TMEM128: variants seen among roughly 807,000 people sequenced by gnomAD.
TMEM128 encodes the protein transmembrane protein 128.
TMEM128 carries 16 observed loss-of-function variants against 19.7 expected under a neutral mutation model. The observed-to-expected ratio is 0.81, with a 90% CI of 0.55 to 1.23. The LOEUF is 1.23. Ranked by LOEUF, TMEM128 falls within the 50% of genes most tolerant of loss-of-function variation. The pLI, the probability that TMEM128 is intolerant of heterozygous loss-of-function variation, is 0.00. For missense variants in TMEM128, 237 were observed against 200.8 expected, an observed-to-expected ratio of 1.18 and a Z score of -1.09; for synonymous variants, 98 against 75.8, an observed-to-expected ratio of 1.29 and a Z score of -1.52.
chr4:4,248,183 C>T lies in TMEM128; in HGVS notation c.20G>A (p.Arg7Gln), dbSNP rs1337037808. The T allele has an allele frequency of 1.3e-6, 2 of 1,527,026 alleles. No individual in the cohort carries two copies. Among genetic ancestry groups the T allele is most frequent in the African/African-American group, 1.4e-5 (1 of 71,366 alleles). 94.6% of individuals were successfully genotyped at this position (1,527,026 alleles called of 1,614,324 possible). A position where few individuals can be genotyped will look rare whatever the true frequency, so the allele number is the denominator to read the frequency against. ...GAGGAATCGCCGCCGGAGCTGCTGC[C>T]GGGCCCGCGAGGAGTCCATCTTGGT... MDSSRARQQLRRRFLLL... is the reference protein window; with the variant it reads MDSSRAQQQLRRRFLLL... The change falls in exon 1 of 5, where the codon CGG becomes CAG. Residue 7 changes from arginine to glutamine, a missense_variant. By Grantham distance (43) the Arg-to-Gln change is conservative. Transcript: ENST00000382753.
Position 4,248,134 on chromosome 4 carries a change from C to T in TMEM128, c.69G>A (p.Gln23=), listed in dbSNP as rs1442610829. The T allele has an allele frequency of 5.9e-6, 9 of 1,534,910 alleles. No homozygotes were observed. The Admixed American group carries it at 1.2e-4, about 20-fold the overall frequency. ...GCCCGGCGTCACCCTCGCGGTCCAG[C>T]TGGGCCTCGGCGTCCGGCAGGAGGA... ...RFLLLPDAEA[Q]LDREGDAGPE... is the part of the protein sequence containing the mutation. The change falls in exon 1 of 5, where the codon CAG becomes CAA. Residue 23 remains glutamine (Q), a synonymous_variant. Transcript: ENST00000382753.
chr4:4,248,072 T>C lies in TMEM128; in HGVS notation c.97+34A>G, dbSNP rs554219693. Reference sequence around the variant, plus strand: ...CGGCCGTTTTCCGACGCCTCGCCTCTGAGAACCTCGGGGCGGCTTGGTGCG... The same window carrying C: ...CGGCCGTTTTCCGACGCCTCGCCTCCGAGAACCTCGGGGCGGCTTGGTGCG... On this transcript the variant is annotated intron_variant, in intron 1 of 4. Transcript: ENST00000382753. The C allele has an allele frequency of 3.5e-4, 531 of 1,534,710 alleles. 5 individuals are homozygous for C. In the African/African-American group the frequency reaches 5.9e-3, roughly 17 times the overall value.
chr4:4,242,153 C>T (rs1717983851), intron 2 of TMEM128, among the ~76,000 whole-genome samples: 1 of 152,136 alleles, frequency 6.6e-6, no homozygotes, highest in Non-Finnish European at 1.5e-5. Context: ...AGTGATCCAC[C>T]TGTCTCAGCC....
chr4:4,242,582 G>C (rs1339286209), intron 2 of TMEM128, among the ~76,000 whole-genome samples: 1 of 151,450 alleles, frequency 6.6e-6, no homozygotes. Context: ...GCAATGGCAC[G>C]ATCTCGGCTC....
intron 2 of TMEM128, among the ~76,000 whole-genome samples, chr4:4,245,124 C>T (rs1023551696): frequency 5.3e-5 from 8 of 152,144 alleles, no homozygotes; most frequent in East Asian, 1.9e-4. Context: ...CAAATTATTA[C>T]TCTTGACCCT....
intron 2 of TMEM128, among the ~76,000 whole-genome samples, chr4:4,244,990 C>T (rs1316575655): frequency 2.6e-5 from 4 of 152,096 alleles, no homozygotes; most frequent in South Asian, 2.1e-4. Flanking sequence ...CCTTGTGGCT[C>T]GACAGTCTCC....
intron 2 of TMEM128, among the ~76,000 whole-genome samples, chr4:4,242,005 A>T (rs1322680453): frequency 6.6e-6 from 1 of 152,048 alleles, no homozygotes; most frequent in East Asian, 1.9e-4. Context: ...CAGGTTCACC[A>T]ATTCTCCTGC....
intron 2 of TMEM128, among the ~76,000 whole-genome samples, chr4:4,242,385 T>C (rs1398946689): frequency 6.6e-6 from 1 of 151,936 alleles, no homozygotes; most frequent in East Asian, 2.0e-4. Flanking sequence ...AGTATATAAA[T>C]GATATAGTTT....
chr4:4,240,521 G>C (rs370168661), intron 2 of TMEM128, 42 bp from the exon 3 acceptor site: 44 of 1,586,530 alleles, frequency 2.8e-5, no homozygotes, highest in Non-Finnish European at 3.6e-5. Context: ...AGCACTTAAT[G>C]AATCGTCACA....
rs139174323 is a variant in TMEM128, at chr4:4,240,269, C to A, written c.398+52G>T. 493 of 1,457,482 alleles carry A rather than the reference C, an allele frequency of 3.4e-4. No individual in the cohort carries two copies. In the African/African-American group the frequency reaches 6.4e-3, roughly 19 times the overall value. 90.3% of individuals were successfully genotyped at this position (1,457,482 alleles called of 1,614,324 possible). On this transcript the variant is annotated intron_variant, in intron 3 of 4. Coordinates refer to ENST00000382753, the MANE Select transcript of TMEM128 (RefSeq NM_001297551.2). ...TGGACCAAGCATATCACTATCTGAT[C>A]AAAAAAAAAATTTGTTGTTCATTCC... is the stretch of plus-strand genomic sequence containing the variant.
intron 2 of TMEM128, among the ~76,000 whole-genome samples, chr4:4,242,563 G>A (rs933262730): frequency 6.6e-6 from 1 of 151,636 alleles, no homozygotes; most frequent in Non-Finnish European, 1.5e-5. Flanking sequence ...TTGTTGCCCA[G>A]GCTGGAGTGC....
At chr4:4,238,905 T>C (rs1442564257) in intron 3 of TMEM128, among the ~76,000 whole-genome samples, 1 of 152,068 alleles carries the variant, frequency 6.6e-6, no homozygotes, top group Non-Finnish European at 1.5e-5. Context: ...TGGTGACACA[T>C]GCCTGTGGTC....
rs1209415024 is a variant in TMEM128 at position 4,237,940 on chromosome 4, A to G, written c.399-5T>C. ...TGCCATAAAGCAATGTTGAAGCTGA[A>G]AAGAACAAGACATAAACAGTTGACA... On this transcript the variant is annotated splice_polypyrimidine_tract_variant and splice_region_variant and intron_variant, in intron 3 of 4. Coordinates refer to ENST00000382753, the MANE Select transcript of TMEM128 (RefSeq NM_001297551.2). The G allele has an allele frequency of 6.5e-7, 1 of 1,544,054 alleles. No individual in the cohort carries two copies. Among genetic ancestry groups the G allele is most frequent in the African/African-American group, 1.4e-5 (1 of 72,066 alleles).
rs913108983 is a variant in TMEM128, at chr4:4,235,584, G to A, written c.*682C>T. The A allele has an allele frequency of 6.6e-6, 1 of 152,596 alleles. No individual in the cohort carries two copies. The highest frequency in any genetic ancestry group is 1.5e-5 in the Non-Finnish European group (1 of 68,040). 9.5% of individuals were successfully genotyped at this position (152,596 alleles called of 1,614,324 possible). A position where few individuals can be genotyped will look rare whatever the true frequency, so the allele number is the denominator to read the frequency against. The stretch of plus-strand genomic sequence containing the variant: ...TTATTTAAATGATACAGAAAAAAAT[G>A]TATACTTAAAAGTGATTAAAACTTC... On this transcript the variant is annotated 3_prime_UTR_variant, in exon 5 of 5. Coordinates refer to ENST00000382753, the MANE Select transcript of TMEM128 (RefSeq NM_001297551.2).
Position 4,248,115 on chromosome 4 carries a change from C to T in TMEM128, c.88G>A (p.Ala30Thr), listed in dbSNP as rs1248534306. ...AEAQLDREGD[A>T]GPETSTAVEK... is the part of the protein sequence containing the mutation. ...TTGGTGCGCGCCTCACCCGGCCCGG[C>T]GTCACCCTCGCGGTCCAGCTGGGCC... Residue 30 changes from alanine to threonine, a missense_variant, in exon 1 of 5, where the codon GCC (alanine) becomes ACC (threonine). By Grantham distance (58) the Ala-to-Thr change is moderately conservative. Coordinates refer to ENST00000382753, the MANE Select transcript of TMEM128 (RefSeq NM_001297551.2). 2 of 1,536,058 alleles carry T rather than the reference C, an allele frequency of 1.3e-6. No homozygotes were observed. The highest frequency in any genetic ancestry group is 8.7e-7 in the Non-Finnish European group (1 of 1,144,218).
At position 4,248,196 on chromosome 4, in the gene TMEM128, A is replaced by G. The variant is rs924500734; in HGVS notation, c.7T>C (p.Ser3Pro). The G allele has an allele frequency of 2.6e-6, 4 of 1,523,756 alleles. No individual in the cohort carries two copies. Among genetic ancestry groups the G allele is most frequent in the African/African-American group, 2.8e-5 (2 of 71,384 alleles). 94.4% of individuals were successfully genotyped at this position (1,523,756 alleles called of 1,614,324 possible). A position where few individuals can be genotyped will look rare whatever the true frequency, so the allele number is the denominator to read the frequency against. ...CGGAGCTGCTGCCGGGCCCGCGAGG[A>G]GTCCATCTTGGTACCGCCCCGAAAT... MDSSRARQQLRRR... is the reference protein window; with the variant it reads MDPSRARQQLRRR... Residue 3 changes from serine (S) to proline (P), a missense_variant, in exon 1 of 5, where the codon TCC becomes CCC. Ser to Pro is a moderately conservative substitution (Grantham distance 74). Transcript: ENST00000382753.
At chr4:4,240,933 C>T (rs1717933082) in intron 2 of TMEM128, among the ~76,000 whole-genome samples, 1 of 152,160 alleles carries the variant, frequency 6.6e-6, no homozygotes, top group Non-Finnish European at 1.5e-5. Flanking sequence ...CAAAATTAGC[C>T]AGGCGTGGTG....
intron 4 of TMEM128, among the ~76,000 whole-genome samples, chr4:4,236,484 G>A (rs978710403): frequency 6.6e-6 from 1 of 152,186 alleles, no homozygotes; most frequent in African/African-American, 2.4e-5. Context: ...AGTCAAAGAA[G>A]GGGCTGAGAA....
chr4:4,246,469 T>A, intron 1 of TMEM128, 126 bp from the exon 2 acceptor site: 1 of 952,410 alleles, frequency 1.0e-6, no homozygotes, highest in Non-Finnish European at 1.5e-6. Flanking sequence ...CAAATCCTTC[T>A]GTAAAACCCT....
Sources: gnomAD v4.1 joint callset for allele counts (sites outside exome capture counted in the v4.1 genomes callset) on GRCh38, gnomAD v4.1.1 for gene constraint, MANE v1.5 for transcripts, NCBI Gene and HGNC (gene_info 2026-07-23, HGNC 2026-07-21) for gene names.